FRMD4B: variants seen among roughly 807,000 people sequenced by gnomAD.
The protein encoded by FRMD4B is FERM domain containing 4B.
A neutral mutation model predicts 141.5 loss-of-function variants in FRMD4B; 74 were observed. The ratio of observed to expected loss-of-function variants is 0.52; its 90% CI spans 0.43 to 0.63. The LOEUF (loss-of-function observed/expected upper bound fraction) is 0.63, where lower values mean the gene tolerates loss of function less well. FRMD4B is among the 30% of genes least tolerant of loss of function. The pLI is 0.00. For synonymous variants in FRMD4B, 506 were observed against 467.9 expected (o/e 1.08, Z -1.05); for missense variants, 1,366 against 1,253.4 (o/e 1.09, Z -1.36).
At chr3:69,173,718 T>C (rs150344577) in intron 22 of FRMD4B, among the ~76,000 whole-genome samples, 1 of 152,312 alleles carries the variant, frequency 6.6e-6, no homozygotes, top group African/African-American at 2.4e-5. Flanking sequence ...AAGTTGCAAA[T>C]CTTTCTGGAA....
Position 69,429,456 on chromosome 3 carries a change from G to GT in FRMD4B, c.-1+3177dup, listed in dbSNP as rs556522974. ...TTTTTTGTCCTTGCCAGTCTCATAG[G>GT]TGACGAGCATGGTTATTTAAAATAG... On this transcript the variant is annotated intron_variant, in intron 2 of 5. Coordinates refer to the FRMD4B transcript ENST00000459638. Among the ~76,000 whole-genome samples the GT allele has an allele frequency of 1.6e-3, 239 of 152,160 alleles. 2 individuals carry two copies. Among genetic ancestry groups the GT allele is most frequent in the Middle Eastern group, 3.4e-3 (1 of 294 alleles).
At chr3:69,386,668 G>T (rs1410171912), upstream of FRMD4B, among the ~76,000 whole-genome samples, 1 of 152,204 alleles carries the variant, frequency 6.6e-6, no homozygotes. Context: ...GGAGATGAAG[G>T]CAACAGTCTC....
At chr3:69,392,146 A>C (rs1430082002) in intron 2 of FRMD4B, among the ~76,000 whole-genome samples, 2 of 152,240 alleles carry the variant, frequency 1.3e-5, no homozygotes, top group Non-Finnish European at 2.9e-5. Context: ...TTGAGTTCGC[A>C]CTATGCATCA....
chr3:69,462,945 T>C (rs1045065711), intron 1 of FRMD4B, among the ~76,000 whole-genome samples: 4 of 152,246 alleles, frequency 2.6e-5, no homozygotes, highest in Admixed American at 6.5e-5. Context: ...TCATCTATGA[T>C]GCACTTCCTT....
chr3:69,335,593 G>A (rs1702519552), intron 1 of FRMD4B, among the ~76,000 whole-genome samples: 1 of 151,828 alleles, frequency 6.6e-6, no homozygotes, highest in Non-Finnish European at 1.5e-5. Context: ...TGGGATTATG[G>A]GCATGAGCCG....
intron 1 of FRMD4B, among the ~76,000 whole-genome samples, chr3:69,484,566 C>G (rs1163779907): frequency 2.0e-5 from 3 of 152,098 alleles, no homozygotes; most frequent in Admixed American, 6.5e-5. Context: ...TATCTGTAGG[C>G]AGGTCATCCC....
chr3:69,202,293 A>G lies in FRMD4B; in HGVS notation c.877-3519T>C, dbSNP rs563326092. 8.5e-5 allele frequency among the ~76,000 whole-genome samples: 13 copies of G among 152,276 alleles called. No individual in the cohort carries two copies. In the South Asian group the frequency reaches 2.5e-3, roughly 29 times the overall value. ...GTTTAAAGGAAGATACAAGAAAGCT[A>G]AGTATGCTTCCCATTTTCTATTATT... is the stretch of plus-strand genomic sequence containing the variant. On this transcript the variant is annotated intron_variant, in intron 11 of 22. Transcript: ENST00000398540.
At chr3:69,363,968 C>T (rs931187368) in intron 1 of FRMD4B, among the ~76,000 whole-genome samples, 2 of 152,188 alleles carry the variant, frequency 1.3e-5, no homozygotes, top group Admixed American at 1.3e-4. Context: ...CTATCATTTT[C>T]TGTGTATTCT....
chr3:69,244,162 G>T (rs553990610), intron 7 of FRMD4B, among the ~76,000 whole-genome samples: 2 of 152,172 alleles, frequency 1.3e-5, no homozygotes, highest in East Asian at 1.9e-4. Flanking sequence ...AGAAAGTTGC[G>T]GTGCTGATCA....
At chr3:69,470,065 T>C (rs1705862246) in intron 1 of FRMD4B, among the ~76,000 whole-genome samples, 1 of 152,152 alleles carries the variant, frequency 6.6e-6, no homozygotes, top group Admixed American at 6.6e-5. Flanking sequence ...GACTCCAAGA[T>C]GATGGGAATA....
intron 1 of FRMD4B, among the ~76,000 whole-genome samples, chr3:69,530,590 G>A (rs1700997420): frequency 2.0e-5 from 3 of 151,428 alleles, no homozygotes; most frequent in Non-Finnish European, 4.4e-5. Context: ...CCAGCCTCAG[G>A]TATACCTTTA....
intron 1 of FRMD4B, among the ~76,000 whole-genome samples, chr3:69,341,145 GA>G (rs1482379573): frequency 6.6e-6 from 1 of 152,214 alleles, no homozygotes; most frequent in Non-Finnish European, 1.5e-5. Context: ...TGTAAAGCAA[GA>G]TGAGTGAGGC....
exon 1 of FRMD4B, chr3:69,542,505 C>G (rs774599506): frequency 6.5e-6 from 1 of 153,064 alleles, no homozygotes; most frequent in Non-Finnish European, 1.5e-5. Context: ...CGCCGTGCGT[C>G]CTCGCTTTGC....
At chr3:69,364,523 G>A (rs17005675) in intron 1 of FRMD4B, among the ~76,000 whole-genome samples, 24,903 of 152,186 alleles carry the variant, frequency 0.16, 2,165 homozygotes, top group African/African-American at 0.2. Context: ...GAGTCAGCCT[G>A]GCTCTGGTTA....
chr3:69,394,291 C>T (rs1704437765), intron 2 of FRMD4B, among the ~76,000 whole-genome samples: 1 of 152,216 alleles, frequency 6.6e-6, no homozygotes, highest in Non-Finnish European at 1.5e-5. Context: ...GGCCCACGGC[C>T]TTATCCAAGC....
At position 69,436,587 on chromosome 3, in the gene FRMD4B, C is replaced by A. The variant is rs182479684; in HGVS notation, c.-128-3826G>T. On this transcript the variant is annotated intron_variant, in intron 1 of 5. Coordinates refer to the FRMD4B transcript ENST00000459638. ...ACCATATGATCCAGCAATTCCATCT[C>A]TGGGCAGATACCCAAAAGAATTGAA... Among the ~76,000 whole-genome samples, 1,506 of 152,310 alleles carry A rather than the reference C, an allele frequency of 9.9e-3. 12 individuals carry two copies. The highest frequency in any genetic ancestry group is 0.016 in the Non-Finnish European group (1,119 of 68,020).
chr3:69,388,298 G>T (rs1575783234), upstream of FRMD4B, among the ~76,000 whole-genome samples: 1 of 152,184 alleles, frequency 6.6e-6, no homozygotes, highest in East Asian at 1.9e-4. Context: ...TTCATTCAAG[G>T]TTTCCAAAGT....
chr3:69,343,589 T>G (rs962681534), intron 1 of FRMD4B, among the ~76,000 whole-genome samples: 1 of 149,132 alleles, frequency 6.7e-6, no homozygotes. Flanking sequence ...TTTTTTTTTT[T>G]TTTTTTTTTA....
At chr3:69,216,089 G>A (rs1017174445) in intron 11 of FRMD4B, among the ~76,000 whole-genome samples, 174 bp downstream of exon 11, 4 of 152,004 alleles carry the variant, frequency 2.6e-5, no homozygotes, top group African/African-American at 9.7e-5. Context: ...AGGAGGTGGA[G>A]GTTGCAGTGA....
Sources: gnomAD v4.1 joint callset for allele counts (sites outside exome capture counted in the v4.1 genomes callset) on GRCh38, gnomAD v4.1.1 for gene constraint, MANE v1.5 for transcripts, NCBI Gene and HGNC (gene_info 2026-07-23, HGNC 2026-07-21) for gene names.